Variants in IL1RAPL2 observed in about 807,000 individuals in gnomAD.
IL1RAPL2 encodes X-linked interleukin-1 receptor accessory protein-like 2.
A neutral mutation model predicts 44.1 loss-of-function variants in IL1RAPL2; 3 were observed. That is an observed-to-expected ratio of 0.07 (90% CI 0.03 to 0.18). The LOEUF is 0.18. Ranked by LOEUF, IL1RAPL2 falls within the 10% of genes least tolerant of loss-of-function variation. IL1RAPL2 has a pLI of 1.00. For synonymous variants in IL1RAPL2, 181 were observed against 178.8 expected (o/e 1.01, Z -0.10); for missense variants, 391 against 496.4 (o/e 0.79, Z 2.02).
At chrX:105,279,303 A>C (rs1274471987) in intron 5 of IL1RAPL2, among the ~76,000 whole-genome samples, 2 of 111,353 alleles carry the variant, frequency 1.8e-5, no homozygotes, top group Non-Finnish European at 3.8e-5. Flanking sequence ...TGGGGAATTT[A>C]AGTAATTTTT....
intron 5 of IL1RAPL2, among the ~76,000 whole-genome samples, chrX:105,418,133 G>C (rs1452596407): frequency 3.6e-5 from 4 of 110,572 alleles, no homozygotes; most frequent in Non-Finnish European, 3.8e-5. Context: ...TCCAAAAAGA[G>C]TGAGACCTTA....
intron 2 of IL1RAPL2, among the ~76,000 whole-genome samples, chrX:104,952,498 T>G (rs1274587947): frequency 9.0e-6 from 1 of 111,644 alleles, no homozygotes; most frequent in Non-Finnish European, 1.9e-5. Flanking sequence ...ATGCAAAGAG[T>G]GAATTTACTT....
chrX:105,743,908 T>C (rs1363153479), intron 8 of IL1RAPL2, among the ~76,000 whole-genome samples: 5 of 112,257 alleles, frequency 4.5e-5, no homozygotes, highest in African/African-American at 6.5e-5. Context: ...TTTCAAGTAT[T>C]GTTTACTTTC....
intron 2 of IL1RAPL2, among the ~76,000 whole-genome samples, chrX:104,809,695 G>A (rs1352628743): frequency 2.7e-5 from 3 of 110,378 alleles, no homozygotes; most frequent in African/African-American, 9.9e-5. Context: ...TCACTCTGAT[G>A]GTAGTTTCTT....
At chrX:104,983,746 A>G (rs2030510312) in intron 2 of IL1RAPL2, among the ~76,000 whole-genome samples, 1 of 103,828 alleles carries the variant, frequency 9.6e-6, no homozygotes, top group South Asian at 3.9e-4. Context: ...ATATATATAA[A>G]TATTTGATAC....
intron 6 of IL1RAPL2, among the ~76,000 whole-genome samples, chrX:105,607,767 A>G (rs775495143): frequency 7.3e-5 from 8 of 109,499 alleles, no homozygotes; most frequent in Admixed American, 9.8e-5. Flanking sequence ...GTATCACTAG[A>G]GGACAGTTCT....
At chrX:104,771,024 G>C (rs1251122299) in intron 2 of IL1RAPL2, among the ~76,000 whole-genome samples, 1 of 111,984 alleles carries the variant, frequency 8.9e-6, no homozygotes, top group Non-Finnish European at 1.9e-5. Context: ...CAAGGAAAAT[G>C]TTCTGAAAAG....
At chrX:105,482,759 A>C (rs1339739733) in intron 5 of IL1RAPL2, among the ~76,000 whole-genome samples, 1 of 111,010 alleles carries the variant, frequency 9.0e-6, no homozygotes, top group Non-Finnish European at 1.9e-5. Context: ...GGGAATTCCT[A>C]AGCTAGTCAA....
chrX:105,304,265 A>ACCT (rs61465395), intron 5 of IL1RAPL2, among the ~76,000 whole-genome samples: 28,701 of 111,942 alleles, frequency 0.26, 7,069 homozygotes, highest in African/African-American at 0.79. Context: ...ATGGGAGGGA[A>ACCT]CCTCCAATCC....
chrX:104,665,440 TA>T (rs543047957), intron 2 of IL1RAPL2, among the ~76,000 whole-genome samples: 118 of 111,380 alleles, frequency 1.1e-3, no homozygotes, highest in Middle Eastern at 4.8e-3. Context: ...ATTCTGTTAA[TA>T]TTTTTTTCTT....
intron 5 of IL1RAPL2, among the ~76,000 whole-genome samples, chrX:105,307,634 T>A (rs1409489588): frequency 1.7e-5 from 1 of 58,496 alleles, no homozygotes; most frequent in African/African-American, 8.9e-5. Flanking sequence ...ATTATATATA[T>A]TATATATAAT....
At chrX:104,699,382 C>T (rs1335417345) in intron 2 of IL1RAPL2, among the ~76,000 whole-genome samples, 1 of 111,487 alleles carries the variant, frequency 9.0e-6, no homozygotes, top group Non-Finnish European at 1.9e-5. Context: ...TTAGATTCTC[C>T]TAAGGAGCCC....
chrX:105,384,297 A>G (rs988607457), intron 5 of IL1RAPL2, among the ~76,000 whole-genome samples: 2 of 111,345 alleles, frequency 1.8e-5, no homozygotes, highest in Non-Finnish European at 3.8e-5. Context: ...TTGGCTAGAG[A>G]TAGGGACCTA....
intron 2 of IL1RAPL2, among the ~76,000 whole-genome samples, chrX:104,823,920 C>T (rs897117285): frequency 5.4e-5 from 6 of 111,897 alleles, no homozygotes; most frequent in African/African-American, 1.9e-4. Flanking sequence ...ACTTCCAATA[C>T]TATGTTGAAT....
chrX:105,510,818 G>A (rs1475196169), intron 6 of IL1RAPL2, among the ~76,000 whole-genome samples: 4 of 111,508 alleles, frequency 3.6e-5, no homozygotes, highest in African/African-American at 1.3e-4. Flanking sequence ...CTAGAGTATC[G>A]AGAAAGGGAT....
At position 105,142,520 on chromosome X, in the gene IL1RAPL2, C is replaced by T. The variant is rs768499608; in HGVS notation, c.83-52955C>T. 2.7e-5 allele frequency among the ~76,000 whole-genome samples: 3 copies of T among 111,133 alleles called. No homozygotes were observed. In the East Asian group the frequency reaches 8.5e-4, roughly 32 times the overall value. ...GCGGTGGTTTTTCCACCATTAGGCA[C>T]ATGCGGTGGGAGGGGTGGAGAAGCA... On this transcript the variant is annotated intron_variant, in intron 2 of 10. Coordinates refer to ENST00000372582, the MANE Select transcript of IL1RAPL2 (RefSeq NM_017416.2).
chrX:105,272,747 C>T (rs758243087), intron 5 of IL1RAPL2, among the ~76,000 whole-genome samples: 5 of 112,623 alleles, frequency 4.4e-5, no homozygotes, highest in Admixed American at 9.4e-5. Flanking sequence ...TATGTTCAAA[C>T]GCATGGCTTT....
chrX:104,768,347 T>C (rs1280339095), intron 2 of IL1RAPL2, among the ~76,000 whole-genome samples: 1 of 111,749 alleles, frequency 8.9e-6, no homozygotes, highest in Non-Finnish European at 1.9e-5. Context: ...TCTACATTGC[T>C]ACCAGAATCT....
chrX:105,219,284 A>T, intron 3 of IL1RAPL2: 1 of 1,209,307 alleles, frequency 8.3e-7, no homozygotes, highest in Non-Finnish European at 1.1e-6. Flanking sequence ...GGGCTTGAGT[A>T]TGAGTATGAG....
Sources: allele counts gnomAD v4.1 joint callset (sites outside exome capture counted in the v4.1 genomes callset), GRCh38; gene constraint gnomAD v4.1.1; transcripts MANE v1.5; gene names NCBI Gene and HGNC (gene_info 2026-07-23, HGNC 2026-07-21).